YPEL1: variants seen among roughly 807,000 people sequenced by gnomAD.
The protein encoded by YPEL1 is yippee like 1.
In YPEL1, 7 loss-of-function variants were observed where a neutral mutation model predicts 17.3. That is an observed-to-expected ratio of 0.40 (90% CI 0.23 to 0.76). YPEL1 has a LOEUF of 0.76. Ranked by LOEUF, YPEL1 falls within the 30% of genes least tolerant of loss-of-function variation. YPEL1 has a pLI of 0.35. For missense variants in YPEL1, 91 were observed against 155.5 expected, an observed-to-expected ratio of 0.59 and a Z score of 2.21; for synonymous variants, 59 against 59.6, an observed-to-expected ratio of 0.99 and a Z score of 0.05.
At chr22:21,721,141 G>A (rs1288420323) in intron 1 of YPEL1, among the ~76,000 whole-genome samples, 1 of 150,466 alleles carries the variant, frequency 6.6e-6, no homozygotes, top group Non-Finnish European at 1.5e-5. Flanking sequence ...GGGGGGAGGG[G>A]AGGACAGAGT....
chr22:21,703,812 C>A lies in YPEL1; in HGVS notation c.161+27G>T, dbSNP rs753527608. The A allele has an allele frequency of 3.1e-5, 50 of 1,604,884 alleles. No homozygotes were observed. The highest frequency in any genetic ancestry group is 1.6e-4 in the Middle Eastern group (1 of 6,072). On this transcript the variant is annotated intron_variant, in intron 3 of 4. Transcript: ENST00000339468. This position sits in a 1 kb window ranked among gnomAD's most constrained non-coding sequence, Gnocchi z 6.1. ...AGGCCGTCCCAGGGCCCGTGCCGCT[C>A]CCCCCGGGCTGAACCAGGGTACTCA...
In YPEL1 at chr22:21,701,345, C is replaced by T. The variant is rs992893873; in HGVS notation, c.271-127G>A. On this transcript the variant is annotated intron_variant, in intron 4 of 4. Coordinates refer to ENST00000339468, the MANE Select transcript of YPEL1 (RefSeq NM_013313.5). The stretch of plus-strand genomic sequence containing the variant: ...ATACCCAGATGTTCCCTGAGCGGTG[C>T]ACTCATCCGGCGCTGGGAGGGTCTG... 20 of 650,170 alleles carry T rather than the reference C, an allele frequency of 3.1e-5. No individual in the cohort carries two copies. The Admixed American group carries it at 3.1e-4, about 10-fold the overall frequency. The allele number at this position is 650,170 out of a possible 1,614,324, so 40.3% of individuals were successfully genotyped here.
At chr22:21,712,874 T>C (rs1044267513) in intron 1 of YPEL1, among the ~76,000 whole-genome samples, 1 of 152,046 alleles carries the variant, frequency 6.6e-6, no homozygotes, top group African/African-American at 2.4e-5. Flanking sequence ...ATCTATATTC[T>C]ATATAGTTAT....
At chr22:21,727,447 C>T (rs1433328408) in intron 1 of YPEL1, among the ~76,000 whole-genome samples, 1 of 152,246 alleles carries the variant, frequency 6.6e-6, no homozygotes, top group Non-Finnish European at 1.5e-5. Flanking sequence ...GGAAAATCAT[C>T]TCCACTCTCG....
At chr22:21,734,670 T>A (rs558019451) in intron 1 of YPEL1, among the ~76,000 whole-genome samples, 1 of 152,268 alleles carries the variant, frequency 6.6e-6, no homozygotes, top group Admixed American at 6.5e-5. Context: ...GGGGGACCAG[T>A]GCATGATTGT....
intron 1 of YPEL1, among the ~76,000 whole-genome samples, chr22:21,725,871 TGCCTGTGGTCCCA>T (rs2148613431): frequency 6.7e-6 from 1 of 149,748 alleles, no homozygotes; most frequent in Non-Finnish European, 1.5e-5. Flanking sequence ...CGGTGGCACA[TGCCTGTGGTCCCA>T]GCTACTCCAG....
At chr22:21,730,333 T>C (rs2068375517) in intron 1 of YPEL1, among the ~76,000 whole-genome samples, 1 of 152,008 alleles carries the variant, frequency 6.6e-6, no homozygotes, top group Middle Eastern at 3.2e-3. Flanking sequence ...AAGCAATTCT[T>C]GTGCCTCAGT....
chr22:21,720,453 A>G (rs2068270140), intron 1 of YPEL1, among the ~76,000 whole-genome samples: 2 of 152,008 alleles, frequency 1.3e-5, no homozygotes, highest in Non-Finnish European at 2.9e-5. Context: ...TAACCGCCCC[A>G]GCCTCCCAAA....
chr22:21,719,428 C>T (rs1273110641), intron 1 of YPEL1, among the ~76,000 whole-genome samples: 1 of 152,126 alleles, frequency 6.6e-6, no homozygotes, highest in Non-Finnish European at 1.5e-5. Context: ...CTGGACTTCC[C>T]TTTAACAAAG....
Position 21,701,086 on chromosome 22 carries a change from C to A in YPEL1, c.*43G>T. Reference sequence around the variant, plus strand: ...TACGTTTCCATTACATTCACAGTTTCTTTCACAAAACAGCATTCAAAGGAG... The same window carrying A: ...TACGTTTCCATTACATTCACAGTTTATTTCACAAAACAGCATTCAAAGGAG... On this transcript the variant is annotated 3_prime_UTR_variant, in exon 5 of 5. Transcript: ENST00000339468. The A allele has an allele frequency of 6.4e-7, 1 of 1,559,550 alleles. No individual in the cohort carries two copies. Among genetic ancestry groups the A allele is most frequent in the Non-Finnish European group, 8.8e-7 (1 of 1,131,448 alleles).
intron 1 of YPEL1, among the ~76,000 whole-genome samples, chr22:21,713,895 G>A (rs1277066116): frequency 6.6e-6 from 1 of 152,180 alleles, no homozygotes; most frequent in African/African-American, 2.4e-5. Context: ...CCTGTGACAA[G>A]GGGCCTGCAG....
rs890262021 is a variant in YPEL1 at position 21,700,958 on chromosome 22, A to G, written c.*171T>C. On this transcript the variant is annotated 3_prime_UTR_variant, in exon 5 of 5. Transcript: ENST00000339468. ...ACAACTGTGTACACGAAGAGGACAGATCCGAGGGACACCTTACCCACAGAG... is the reference window on the plus strand; with the variant it reads ...ACAACTGTGTACACGAAGAGGACAGGTCCGAGGGACACCTTACCCACAGAG... The G allele has an allele frequency of 2.1e-5, 12 of 572,458 alleles. No homozygotes were observed. Among genetic ancestry groups the G allele is most frequent in the Non-Finnish European group, 3.4e-5 (11 of 319,256 alleles). 35.5% of individuals were successfully genotyped at this position (572,458 alleles called of 1,614,324 possible). A position where few individuals can be genotyped will look rare whatever the true frequency, so the allele number is the denominator to read the frequency against.
Position 21,703,939 on chromosome 22 carries a change from G to C in YPEL1, c.118-57C>G. The C allele has an allele frequency of 6.4e-7, 1 of 1,550,530 alleles. No individual in the cohort carries two copies. The highest frequency in any genetic ancestry group is 8.7e-7 in the Non-Finnish European group (1 of 1,144,640). ...CGAGTGCTTTCTGGAACGAAGCGGTGCTGCCCAGAACCAGGGGAGTCCAGC... is the reference window on the plus strand; with the variant it reads ...CGAGTGCTTTCTGGAACGAAGCGGTCCTGCCCAGAACCAGGGGAGTCCAGC... On this transcript the variant is annotated intron_variant, in intron 2 of 4. Coordinates refer to ENST00000339468, the MANE Select transcript of YPEL1 (RefSeq NM_013313.5). This position sits in a 1 kb window ranked among gnomAD's most constrained non-coding sequence, Gnocchi z 6.1.
At chr22:21,730,823 G>T (rs1414939481) in intron 1 of YPEL1, among the ~76,000 whole-genome samples, 2 of 152,172 alleles carry the variant, frequency 1.3e-5, no homozygotes, top group African/African-American at 4.8e-5. Context: ...CCTGCTCTCT[G>T]GGGAACCCAA....
intron 1 of YPEL1, among the ~76,000 whole-genome samples, chr22:21,717,782 A>G (rs1311207407): frequency 6.6e-6 from 1 of 152,222 alleles, no homozygotes; most frequent in Admixed American, 6.5e-5. Flanking sequence ...TGATTCTGAA[A>G]GATAATAACT....
chr22:21,730,228 T>C (rs544951496), intron 1 of YPEL1, among the ~76,000 whole-genome samples: 1 of 152,044 alleles, frequency 6.6e-6, no homozygotes, highest in African/African-American at 2.4e-5. Flanking sequence ...ATCAGGGACA[T>C]TTCCATCATG....
intron 1 of YPEL1, among the ~76,000 whole-genome samples, chr22:21,711,590 T>A (rs1425281498): frequency 6.6e-6 from 1 of 152,204 alleles, no homozygotes; most frequent in Non-Finnish European, 1.5e-5. Flanking sequence ...GGTCACATGA[T>A]CTTCAACAGG....
At position 21,700,961 on chromosome 22, in the gene YPEL1, C is replaced by G. The variant is rs766813062; in HGVS notation, c.*168G>C. 7.0e-6 allele frequency: 4 copies of G among 571,150 alleles called. No individual in the cohort carries two copies. Among genetic ancestry groups the G allele is most frequent in the South Asian group, 2.3e-5 (1 of 43,370 alleles). 35.4% of individuals were successfully genotyped at this position (571,150 alleles called of 1,614,324 possible). A position where few individuals can be genotyped will look rare whatever the true frequency, so the allele number is the denominator to read the frequency against. On this transcript the variant is annotated 3_prime_UTR_variant, in exon 5 of 5. Coordinates refer to ENST00000339468, the MANE Select transcript of YPEL1 (RefSeq NM_013313.5). Reference sequence around the variant, plus strand: ...ACTGTGTACACGAAGAGGACAGATCCGAGGGACACCTTACCCACAGAGATG... The same window carrying G: ...ACTGTGTACACGAAGAGGACAGATCGGAGGGACACCTTACCCACAGAGATG...
chr22:21,713,853 C>G (rs1445904713), intron 1 of YPEL1, among the ~76,000 whole-genome samples: 2 of 152,156 alleles, frequency 1.3e-5, no homozygotes, highest in Non-Finnish European at 2.9e-5. Context: ...GGACGTGCGC[C>G]AAGTTTTCCT....
Sources: gnomAD v4.1 joint callset for allele counts (sites outside exome capture counted in the v4.1 genomes callset) on GRCh38, gnomAD v4.1.1 for gene constraint, Gnocchi (gnomAD v3.1) non-coding constraint, MANE v1.5 for transcripts, NCBI Gene and HGNC (gene_info 2026-07-23, HGNC 2026-07-21) for gene names.